LHFPL7: variants seen among roughly 807,000 people sequenced by gnomAD.
LHFPL7 encodes the protein LHFPL tetraspan subfamily member 7, also known as LHFPL tetraspan subfamily member 7 protein.
chr22:24,943,088 G>GT, the LHFPL7 span, among the ~76,000 whole-genome samples: 7 of 151,984 alleles, frequency 4.6e-5, no homozygotes, highest in Admixed American at 6.6e-5. Context: ...TTTTTATGGG[G>GT]TTTTTTTGGT....
the LHFPL7 span, among the ~76,000 whole-genome samples, chr22:24,940,573 G>A: frequency 6.7e-6 from 1 of 150,284 alleles, no homozygotes; most frequent in South Asian, 2.1e-4. Context: ...TCCAGCCTGG[G>A]CGACAGAGCG....
chr22:24,941,586 G>A, the LHFPL7 span, among the ~76,000 whole-genome samples: 2 of 140,902 alleles, frequency 1.4e-5, no homozygotes, highest in Non-Finnish European at 3.0e-5. Context: ...AATGTGGTTT[G>A]ATTTTGCGTA....
chr22:24,945,143 T>A, the LHFPL7 span, among the ~76,000 whole-genome samples: 1 of 152,218 alleles, frequency 6.6e-6, no homozygotes, highest in East Asian at 1.9e-4. Flanking sequence ...CTTCAAGAGA[T>A]CCTCCTGCTT....
chr22:24,939,888 A>G, the LHFPL7 span, among the ~76,000 whole-genome samples: 2 of 128,360 alleles, frequency 1.6e-5, no homozygotes, highest in Middle Eastern at 4.3e-3. Context: ...GCATACTTTC[A>G]TTTGTTCATT....
chr22:24,935,368 C>T, the LHFPL7 span: 3 of 1,613,616 alleles, frequency 1.9e-6, no homozygotes, highest in African/African-American at 1.3e-5. Context: ...ATGATTCTCT[C>T]GGTGGCACTG....
the LHFPL7 span, among the ~76,000 whole-genome samples, chr22:24,936,508 T>G: frequency 6.6e-6 from 1 of 152,196 alleles, no homozygotes; most frequent in African/African-American, 2.4e-5. Context: ...TCATCAAAAC[T>G]GTTAGAGGTG....
the LHFPL7 span, chr22:24,935,139 A>T: frequency 1.5e-6 from 1 of 671,138 alleles, no homozygotes; most frequent in African/African-American, 1.8e-5. Flanking sequence ...ATCTCCAGTG[A>T]ATTCTCAGAA....
chr22:24,938,829 T>C, the LHFPL7 span, among the ~76,000 whole-genome samples: 1 of 152,226 alleles, frequency 6.6e-6, no homozygotes, highest in East Asian at 1.9e-4. Context: ...CTTTCATTTT[T>C]AAACCTAGCA....
chr22:24,941,167 T>C, the LHFPL7 span, among the ~76,000 whole-genome samples: 1 of 151,896 alleles, frequency 6.6e-6, no homozygotes, highest in Non-Finnish European at 1.5e-5. Flanking sequence ...GCAGATGGTA[T>C]TATCTTTTTT....
the LHFPL7 span, among the ~76,000 whole-genome samples, chr22:24,940,636 C>CCCGTCCTTCCTTCCTTCCTT: frequency 1.1e-4 from 7 of 61,094 alleles, no homozygotes; most frequent in African/African-American, 3.7e-4. Context: ...CATATGCCCG[C>CCCGTCCTTCCTTCCTTCCTT]CCTTCCTTCC....
chr22:24,945,142 A>ATC, the LHFPL7 span, among the ~76,000 whole-genome samples: 1 of 152,006 alleles, frequency 6.6e-6, no homozygotes, highest in Non-Finnish European at 1.5e-5. Context: ...GCTTCAAGAG[A>ATC]TCCTCCTGCT....
the LHFPL7 span, among the ~76,000 whole-genome samples, chr22:24,940,178 G>A: frequency 6.7e-6 from 1 of 148,568 alleles, no homozygotes; most frequent in South Asian, 2.1e-4. Context: ...CGCCTGCCTC[G>A]GCCTCCCAAA....
At chr22:24,937,008 T>C in the LHFPL7 span, among the ~76,000 whole-genome samples, 2 of 150,738 alleles carry the variant, frequency 1.3e-5, no homozygotes, top group Admixed American at 1.3e-4. Flanking sequence ...ATTGGGCACC[T>C]ATTATGTATG....
the LHFPL7 span, among the ~76,000 whole-genome samples, chr22:24,939,923 GCTTTTTTT>G: frequency 7.7e-5 from 6 of 77,968 alleles, no homozygotes; most frequent in African/African-American, 9.7e-5. Flanking sequence ...TTCATTTATC[GCTTTTTTT>G]TTTTTTTTTT....
chr22:24,940,998 G>T, the LHFPL7 span, among the ~76,000 whole-genome samples: 1 of 151,648 alleles, frequency 6.6e-6, no homozygotes. Flanking sequence ...TGGAAACAAG[G>T]TCTCCCTATA....
At chr22:24,936,647 T>C in the LHFPL7 span, among the ~76,000 whole-genome samples, 2 of 152,176 alleles carry the variant, frequency 1.3e-5, no homozygotes, top group African/African-American at 2.4e-5. Context: ...CTACTTTCAG[T>C]TCCCTGCACA....
the LHFPL7 span, among the ~76,000 whole-genome samples, chr22:24,941,163 G>A: frequency 6.6e-6 from 1 of 151,358 alleles, no homozygotes; most frequent in Admixed American, 6.6e-5. Context: ...TGCTGCAGAT[G>A]GTATTATCTT....
chr22:24,943,025 G>C, the LHFPL7 span, among the ~76,000 whole-genome samples: 5 of 151,794 alleles, frequency 3.3e-5, no homozygotes, highest in African/African-American at 1.2e-4. Flanking sequence ...GAAAAACCTC[G>C]TGGCTGCTCG....
the LHFPL7 span, among the ~76,000 whole-genome samples, chr22:24,936,727 G>C: frequency 2.3e-4 from 35 of 152,140 alleles, no homozygotes; most frequent in African/African-American, 7.5e-4. Context: ...TTGTACTCTT[G>C]GCTAACTTCT....
Sources: allele counts gnomAD v4.1 joint callset (sites outside exome capture counted in the v4.1 genomes callset), GRCh38; gene constraint gnomAD v4.1.1; transcripts MANE v1.5; gene names NCBI Gene and HGNC (gene_info 2026-07-23, HGNC 2026-07-21).